Variants in SHISAL2B observed in about 807,000 individuals in gnomAD.
SHISAL2B encodes protein shisa-like-2B.
In SHISAL2B, 12 loss-of-function variants were observed where a neutral mutation model predicts 16.5. The ratio of observed to expected loss-of-function variants is 0.73; its 90% CI spans 0.47 to 1.18. The LOEUF (loss-of-function observed/expected upper bound fraction) is 1.18. Ranked by LOEUF, SHISAL2B falls within the 50% of genes most tolerant of loss-of-function variation. SHISAL2B has a pLI of 0.00. For synonymous variants in SHISAL2B, 72 were observed against 75.0 expected, an observed-to-expected ratio of 0.96 and a Z score of 0.21; for missense variants, 183 against 193.6, an observed-to-expected ratio of 0.95 and a Z score of 0.33.
rs1741625918 is a variant in SHISAL2B at position 64,690,667 on chromosome 5, A to T, written c.44A>T (p.Asn15Ile). ...SRLCSGYYSL[N>I]QSFVEPFQCP... ...CTGTGCTCCGGCTACTACAGCCTCA[A>T]CCAGAGCTTCGTGGAGCCCTTCCAG... Residue 15 changes from asparagine to isoleucine, a missense_variant, in exon 1 of 3, where the codon AAC (asparagine) becomes ATC (isoleucine). Coordinates refer to ENST00000389074, the MANE Select transcript of SHISAL2B (RefSeq NM_001164442.2). 6.5e-7 allele frequency: 1 copy of T among 1,533,298 alleles called. No homozygotes were observed. The highest frequency in any genetic ancestry group is 8.7e-7 in the Non-Finnish European group (1 of 1,145,454). The allele number at this position is 1,533,298 out of a possible 1,614,324, so 95.0% of individuals were successfully genotyped here. A position where few individuals can be genotyped will look rare whatever the true frequency, so the allele number is the denominator to read the frequency against.
chr5:64,718,061 G>A lies in SHISAL2B; in HGVS notation c.*39G>A. On this transcript the variant is annotated 3_prime_UTR_variant, in exon 3 of 3. Coordinates refer to ENST00000389074, the MANE Select transcript of SHISAL2B (RefSeq NM_001164442.2). ...GTTTTAAATGCTTACTGGAGAGATG[G>A]GACAATAAAAATAAAGCGTGCACTT... is the stretch of plus-strand genomic sequence containing the variant. The A allele has an allele frequency of 6.9e-7, 1 of 1,439,838 alleles. No homozygotes were observed. 89.2% of individuals were successfully genotyped at this position (1,439,838 alleles called of 1,614,324 possible).
At chr5:64,697,072 CCT>C (rs1255656260) in intron 2 of SHISAL2B, among the ~76,000 whole-genome samples, 2 of 152,190 alleles carry the variant, frequency 1.3e-5, no homozygotes, top group Admixed American at 1.3e-4. Flanking sequence ...CTGTAAAATT[CCT>C]CTCTTTGTAC....
intron 2 of SHISAL2B, among the ~76,000 whole-genome samples, chr5:64,712,668 G>T (rs1464756084): frequency 4.6e-5 from 7 of 151,986 alleles, no homozygotes; most frequent in African/African-American, 1.7e-4. Context: ...TAATGTGTGG[G>T]AGTCTAAATC....
intron 2 of SHISAL2B, among the ~76,000 whole-genome samples, chr5:64,703,125 A>G (rs1428841245): frequency 6.6e-6 from 1 of 152,218 alleles, no homozygotes; most frequent in Non-Finnish European, 1.5e-5. Flanking sequence ...GACAAATGGT[A>G]TTTTGATGGG....
rs1173129708 is a variant in SHISAL2B, at chr5:64,712,878, T to C, written c.350-5011T>C. On this transcript the variant is annotated intron_variant, in intron 2 of 2. Coordinates refer to ENST00000389074, the MANE Select transcript of SHISAL2B (RefSeq NM_001164442.2). ...GATTGCAACCCCTGCCTTTTTTTGT[T>C]TTCCATTTGCTTGGTAGATCTTCCT... Among the ~76,000 whole-genome samples the C allele has an allele frequency of 2.0e-5, 3 of 150,102 alleles. No individual in the cohort carries two copies. In the South Asian group the frequency reaches 6.3e-4, roughly 31 times the overall value.
intron 2 of SHISAL2B, among the ~76,000 whole-genome samples, chr5:64,707,927 G>A (rs1335761651): frequency 6.6e-6 from 1 of 152,068 alleles, no homozygotes; most frequent in East Asian, 1.9e-4. Flanking sequence ...AATTTCCAAA[G>A]TTATTAAAAA....
chr5:64,690,936 C>G (rs1055150744), intron 1 of SHISAL2B, 122 bp downstream of exon 1: 1 of 854,430 alleles, frequency 1.2e-6, no homozygotes. Flanking sequence ...TAGGTTAGGT[C>G]CCTACGGAAG....
At chr5:64,703,436 A>T (rs1410504782) in intron 2 of SHISAL2B, among the ~76,000 whole-genome samples, 1 of 152,194 alleles carries the variant, frequency 6.6e-6, no homozygotes, top group Non-Finnish European at 1.5e-5. Flanking sequence ...AATGTAGAAA[A>T]TCAAATTGCT....
chr5:64,693,941 C>A (rs1371385518), intron 1 of SHISAL2B: 1 of 336,998 alleles, frequency 3.0e-6, no homozygotes, highest in Non-Finnish European at 5.8e-6. Flanking sequence ...GCAATCTCTT[C>A]TTTGCAGGGG....
At chr5:64,706,631 G>A (rs1168214521) in intron 2 of SHISAL2B, among the ~76,000 whole-genome samples, 2 of 152,172 alleles carry the variant, frequency 1.3e-5, no homozygotes, top group Non-Finnish European at 2.9e-5. Context: ...CACATTATGA[G>A]GAAAGCTCAT....
chr5:64,690,911 C>T (rs1741638737), intron 1 of SHISAL2B, 97 bp downstream of exon 1: 4 of 1,079,646 alleles, frequency 3.7e-6, no homozygotes, highest in South Asian at 1.8e-5. Flanking sequence ...TCCCCCGCGT[C>T]CCCGCTATCC....
intron 2 of SHISAL2B, among the ~76,000 whole-genome samples, chr5:64,713,935 A>G (rs1404525087): frequency 5.1e-5 from 4 of 78,876 alleles, no homozygotes; most frequent in African/African-American, 1.1e-4. Flanking sequence ...CTAGTTATAC[A>G]TTCTTCTAAA....
intron 2 of SHISAL2B, among the ~76,000 whole-genome samples, chr5:64,701,196 T>TC (rs1356445751): frequency 5.9e-5 from 9 of 152,182 alleles, no homozygotes; most frequent in African/African-American, 2.2e-4. Flanking sequence ...TGCTTTTTTT[T>TC]CCCAAATATT....
intron 2 of SHISAL2B, among the ~76,000 whole-genome samples, chr5:64,704,295 C>T (rs1285508859): frequency 6.6e-6 from 1 of 152,078 alleles, no homozygotes; most frequent in African/African-American, 2.4e-5. Flanking sequence ...CATAAGTCCC[C>T]GAGGAAAGGG....
In SHISAL2B at chr5:64,690,904, C is replaced by T. The variant is rs1741638600; in HGVS notation, c.191+90C>T. ...GCCACGCCAGGGCCAGGGAGGTTCC[C>T]CCGCGTCCCCGCTATCCGCCCTAGG... On this transcript the variant is annotated intron_variant, in intron 1 of 2. Coordinates refer to ENST00000389074, the MANE Select transcript of SHISAL2B (RefSeq NM_001164442.2). 9.7e-6 allele frequency: 11 copies of T among 1,131,720 alleles called. No homozygotes were observed. The South Asian group carries it at 1.6e-4, about 16-fold the overall frequency. 70.1% of individuals were successfully genotyped at this position (1,131,720 alleles called of 1,614,324 possible).
At chr5:64,696,584 G>A (rs532250252) in intron 2 of SHISAL2B, among the ~76,000 whole-genome samples, 1 of 152,070 alleles carries the variant, frequency 6.6e-6, no homozygotes, top group South Asian at 2.1e-4. Flanking sequence ...ATGCATTCCT[G>A]GGGGGAGGTC....
In SHISAL2B at chr5:64,690,757, G is replaced by A. The variant is rs758318353; in HGVS notation, c.134G>A (p.Cys45Tyr). Residue 45 changes from cysteine to tyrosine, a missense_variant, in exon 1 of 3, where the codon TGC (cysteine) becomes TAC (tyrosine). Transcript: ENST00000389074. ...YCCGFADLKY[C>Y]CSEPGSYFPY... Reference sequence around the variant, plus strand: ...TGCGGCTTCGCCGACCTCAAGTACTGCTGCAGCGAGCCGGGCAGCTACTTC... The same window carrying A: ...TGCGGCTTCGCCGACCTCAAGTACTACTGCAGCGAGCCGGGCAGCTACTTC... 4.5e-6 allele frequency: 7 copies of A among 1,543,302 alleles called. No homozygotes were observed. Among genetic ancestry groups the A allele is most frequent in the Non-Finnish European group, 6.1e-6 (7 of 1,151,240 alleles).
chr5:64,690,622 C>A lies in SHISAL2B; in HGVS notation c.-2C>A, dbSNP rs28582519. 2,760 of 1,486,100 alleles carry A rather than the reference C, an allele frequency of 1.9e-3. 45 individuals carry two copies. In the African/African-American group the frequency reaches 0.034, roughly 18 times the overall value. The allele number at this position is 1,486,100 out of a possible 1,614,324, so 92.1% of individuals were successfully genotyped here. On this transcript the variant is annotated 5_prime_UTR_variant, in exon 1 of 3. Transcript: ENST00000389074. ...GCGAGCCTCTCCCGGCCCCTGCCCGCGATGAGCGAGGCCAGCCGACTGTGC... is the reference window on the plus strand; with the variant it reads ...GCGAGCCTCTCCCGGCCCCTGCCCGAGATGAGCGAGGCCAGCCGACTGTGC...
intron 2 of SHISAL2B, among the ~76,000 whole-genome samples, chr5:64,713,193 A>G (rs1741984694): frequency 6.8e-6 from 1 of 145,994 alleles, no homozygotes; most frequent in African/African-American, 2.6e-5. Context: ...GTTCCTTTCC[A>G]TGTTTAGTGC....
Sources: allele counts gnomAD v4.1 joint callset (sites outside exome capture counted in the v4.1 genomes callset), GRCh38; gene constraint gnomAD v4.1.1; transcripts MANE v1.5; gene names NCBI Gene and HGNC (gene_info 2026-07-23, HGNC 2026-07-21).